MSTO1: variants seen among roughly 807,000 people sequenced by gnomAD.
The protein encoded by MSTO1 is protein misato homolog 1.
In MSTO1, 24 loss-of-function variants were observed where a neutral mutation model predicts 55.7. The observed-to-expected ratio is 0.43, with a 90% CI of 0.31 to 0.61. The LOEUF (loss-of-function observed/expected upper bound fraction) is 0.61. Ranked by LOEUF, MSTO1 falls within the 20% of genes least tolerant of loss-of-function variation. The pLI is 0.09. For missense variants in MSTO1, 363 were observed against 625.7 expected, an observed-to-expected ratio of 0.58 and a Z score of 4.48; for synonymous variants, 162 against 252.8, an observed-to-expected ratio of 0.64 and a Z score of 3.41.
At chr1:155,573,840 CAA>C in the MSTO1 span, among the ~76,000 whole-genome samples, 21 of 88,828 alleles carry the variant, frequency 2.4e-4, no homozygotes, top group South Asian at 3.2e-4. Flanking sequence ...CTCCATCTCA[CAA>C]AAAAAAAAAA....
the MSTO1 span, among the ~76,000 whole-genome samples, chr1:155,590,342 T>C: frequency 2.0e-5 from 3 of 152,046 alleles, no homozygotes; most frequent in African/African-American, 7.2e-5. Context: ...TTGACTGGCT[T>C]CTAAAATGGG....
the MSTO1 span, among the ~76,000 whole-genome samples, chr1:155,591,761 G>A: frequency 6.6e-6 from 1 of 151,770 alleles, no homozygotes; most frequent in Admixed American, 6.6e-5. Context: ...TTGCACTCCA[G>A]CCTGGGCAAC....
rs779043435 is a variant in MSTO1, at chr1:155,610,233, C to G, written c.-16C>G. ...CGGCGCGGCTGAGGCGCGGCGGCCCCGTGGAGCAGCGCAGTATGGCGGGCG... is the reference window on the plus strand; with the variant it reads ...CGGCGCGGCTGAGGCGCGGCGGCCCGGTGGAGCAGCGCAGTATGGCGGGCG... On this transcript the variant is annotated 5_prime_UTR_variant, in exon 1 of 14. Transcript: ENST00000245564. 77 of 609,802 alleles carry G rather than the reference C, an allele frequency of 1.3e-4. 1 individual carries two copies. The highest frequency in any genetic ancestry group is 8.8e-4 in the Middle Eastern group (2 of 2,284). The allele number at this position is 609,802 out of a possible 1,614,324, so 37.8% of individuals were successfully genotyped here.
chr1:155,598,928 T>G, the MSTO1 span: 2 of 1,369,156 alleles, frequency 1.5e-6, no homozygotes, highest in South Asian at 1.2e-5. Context: ...AAGAACTTCC[T>G]GTCTTGTCTT....
the MSTO1 span, among the ~76,000 whole-genome samples, chr1:155,579,720 GT>G: frequency 6.6e-6 from 1 of 152,148 alleles, no homozygotes; most frequent in South Asian, 2.1e-4. Context: ...AAAATATTCA[GT>G]GATTAATATT....
chr1:155,599,339 T>C, the MSTO1 span, among the ~76,000 whole-genome samples: 2 of 152,244 alleles, frequency 1.3e-5, no homozygotes, highest in East Asian at 1.9e-4. Flanking sequence ...CTTTTGATGC[T>C]AAGCAGTCCT....
At chr1:155,586,601 C>T in the MSTO1 span, 3 of 448,406 alleles carry the variant, frequency 6.7e-6, no homozygotes, top group South Asian at 3.4e-5. Flanking sequence ...TCCCATGTTG[C>T]AAATATTTTT....
At chr1:155,603,875 T>C in the MSTO1 span, among the ~76,000 whole-genome samples, 1 of 151,952 alleles carries the variant, frequency 6.6e-6, no homozygotes, top group Non-Finnish European at 1.5e-5. Context: ...AAAAAAAAAT[T>C]AAATCTCAAA....
chr1:155,570,322 G>A, the MSTO1 span, among the ~76,000 whole-genome samples: 1 of 152,160 alleles, frequency 6.6e-6, no homozygotes, highest in Admixed American at 6.6e-5. Flanking sequence ...ATTGTCCACT[G>A]TTCTGAGTAA....
At chr1:155,608,665 G>A (rs1335326729), upstream of MSTO1, among the ~76,000 whole-genome samples, 1 of 151,730 alleles carries the variant, frequency 6.6e-6, no homozygotes, top group African/African-American at 2.4e-5. Flanking sequence ...ACCACGCCCG[G>A]CTAATTGTTA....
At chr1:155,600,055 T>G in the MSTO1 span, among the ~76,000 whole-genome samples, 1 of 152,182 alleles carries the variant, frequency 6.6e-6, no homozygotes, top group Non-Finnish European at 1.5e-5. Flanking sequence ...TGCCTTCCTC[T>G]TATACTAATC....
chr1:155,563,798 T>C, the MSTO1 span: 1 of 350,072 alleles, frequency 2.9e-6, no homozygotes, highest in African/African-American at 2.1e-5. Context: ...AGATAATATA[T>C]GTAAAGTGGA....
At chr1:155,594,575 G>C in the MSTO1 span, among the ~76,000 whole-genome samples, 1 of 151,896 alleles carries the variant, frequency 6.6e-6, no homozygotes, top group Non-Finnish European at 1.5e-5. Context: ...TGAGGAATTT[G>C]AGACTTATTT....
chr1:155,567,160 G>A, the MSTO1 span, among the ~76,000 whole-genome samples: 1 of 151,014 alleles, frequency 6.6e-6, no homozygotes, highest in Admixed American at 6.6e-5. Flanking sequence ...GTCTTGCTCT[G>A]TCACCCAGGT....
chr1:155,614,745 C>T lies in MSTO1; in HGVS notation c.*472C>T. On this transcript the variant is annotated 3_prime_UTR_variant, in exon 14 of 14. Coordinates refer to ENST00000245564, the MANE Select transcript of MSTO1 (RefSeq NM_018116.4). ...CTCATTCATCCAGCTCCTCTTCAGA[C>T]AGAAGGTCCCCATGGTCAGACAGCT... is the stretch of plus-strand genomic sequence containing the variant. The T allele has an allele frequency of 1.9e-6, 3 of 1,574,034 alleles. No individual in the cohort carries two copies. Among genetic ancestry groups the T allele is most frequent in the Non-Finnish European group, 2.6e-6 (3 of 1,145,514 alleles).
At chr1:155,577,471 A>G in the MSTO1 span, among the ~76,000 whole-genome samples, 1 of 152,148 alleles carries the variant, frequency 6.6e-6, no homozygotes. Context: ...AATGTAAGGT[A>G]GGGGTCCATT....
chr1:155,566,637 CAG>C, the MSTO1 span, among the ~76,000 whole-genome samples: 2 of 151,450 alleles, frequency 1.3e-5, no homozygotes, highest in Non-Finnish European at 2.9e-5. Flanking sequence ...ATTCTTGAGA[CAG>C]AGTTTCACTC....
chr1:155,591,836 A>G, the MSTO1 span, among the ~76,000 whole-genome samples: 2 of 152,188 alleles, frequency 1.3e-5, no homozygotes, highest in East Asian at 1.9e-4. Flanking sequence ...ATTTGCTTCA[A>G]AAAGTACCTG....
upstream of MSTO1, among the ~76,000 whole-genome samples, chr1:155,608,495 T>G (rs577457224): frequency 3.4e-5 from 5 of 146,018 alleles, no homozygotes; most frequent in African/African-American, 1.3e-4. Context: ...TTGCCTTATC[T>G]CTTTTTTTTT....
Sources: allele counts gnomAD v4.1 joint callset (sites outside exome capture counted in the v4.1 genomes callset), GRCh38; gene constraint gnomAD v4.1.1; transcripts MANE v1.5; gene names NCBI Gene and HGNC (gene_info 2026-07-23, HGNC 2026-07-21).